SETD5: variants seen among roughly 807,000 people sequenced by gnomAD.
The protein encoded by SETD5 is histone-lysine N-methyltransferase SETD5.
SETD5 carries 44 observed loss-of-function variants against 153.3 expected under a neutral mutation model. That is an observed-to-expected ratio of 0.29 (90% CI 0.23 to 0.37). The LOEUF (loss-of-function observed/expected upper bound fraction) is 0.37. Among genes scored for constraint, SETD5 ranks in the 10% least tolerant of loss-of-function variants. The pLI, the probability that SETD5 is intolerant of heterozygous loss-of-function variation, is 1.00. For missense variants in SETD5, 1,544 were observed against 1,768.0 expected (o/e 0.87, Z 2.27); for synonymous variants, 716 against 645.2 (o/e 1.11, Z -1.66).
At chr3:9,469,125 G>A (rs951882509) in intron 18 of SETD5, among the ~76,000 whole-genome samples, 5 of 152,130 alleles carry the variant, frequency 3.3e-5, no homozygotes, top group Admixed American at 2.0e-4. Context: ...CATTTTCTCT[G>A]CAGCTCCTTA....
chr3:9,470,427 C>A, intron 18 of SETD5, 32 bp from the exon 19 acceptor site: 1 of 1,558,694 alleles, frequency 6.4e-7, no homozygotes, highest in Non-Finnish European at 8.8e-7. Context: ...TTCTCCCCTA[C>A]CCCATGTCTC....
In SETD5 at chr3:9,445,176, C is replaced by T. The variant is rs770427830; in HGVS notation, c.1316C>T (p.Thr439Ile). 3 of 1,613,976 alleles carry T rather than the reference C, an allele frequency of 1.9e-6. No individual in the cohort carries two copies. Among genetic ancestry groups the T allele is most frequent in the Non-Finnish European group, 2.5e-6 (3 of 1,179,874 alleles). The change falls in exon 12 of 23, where the codon ACT becomes ATT. Residue 439 changes from threonine to isoleucine, a missense_variant. Thr to Ile is a moderately conservative substitution (Grantham distance 89). Around this residue, in one of 9 missense-constraint regions of SETD5, gnomAD observed 782 missense variants for 787.2 expected, o/e 0.99. Transcript: ENST00000402198. ...PPSLPTIGAE[T>I]RRRKARRKEL... The stretch of plus-strand genomic sequence containing the variant: ...AGCCTACCCACCATTGGAGCAGAGA[C>T]TAGACGTAGAAAAGCACGACGGAAA...
chr3:9,430,427 T>C (rs149208513), intron 3 of SETD5: 2 of 813,782 alleles, frequency 2.5e-6, no homozygotes, highest in Non-Finnish European at 3.0e-6. Flanking sequence ...AGCTTTTTTC[T>C]TCTTTTGTTT....
chr3:9,472,055 A>G (rs946232616), intron 19 of SETD5, among the ~76,000 whole-genome samples: 3 of 152,252 alleles, frequency 2.0e-5, no homozygotes, highest in African/African-American at 7.2e-5. Flanking sequence ...GGATTAAGAT[A>G]ATAATTGATT....
chr3:9,409,337 T>C (rs1157854424), intron 1 of SETD5, among the ~76,000 whole-genome samples: 2 of 152,216 alleles, frequency 1.3e-5, no homozygotes, highest in East Asian at 3.8e-4. Context: ...TACCCCCTTA[T>C]TTACTAGTTT....
chr3:9,419,642 A>G (rs1054240445), intron 1 of SETD5, among the ~76,000 whole-genome samples: 3 of 152,232 alleles, frequency 2.0e-5, no homozygotes, highest in Non-Finnish European at 2.9e-5. Context: ...AACAAGCTAT[A>G]TATTAACATC....
At position 9,450,220 on chromosome 3, in the gene SETD5, C is replaced by T. The variant is rs561736833; in HGVS notation, c.2346+1590C>T. ...TCTATAGCACATCCTTAAATTTCTA[C>T]GGGCAACAGATAGAAATTCCATTTA... On this transcript the variant is annotated intron_variant, in intron 16 of 22. Transcript: ENST00000402198. Among the ~76,000 whole-genome samples the T allele has an allele frequency of 7.9e-5, 12 of 152,254 alleles. No homozygotes were observed. In the South Asian group the frequency reaches 8.3e-4, roughly 11 times the overall value.
rs1394101476 is a variant in SETD5 at position 9,428,989 on chromosome 3, A to G, written c.51A>G (p.Ser17=). ...TCACCACATCAGATACATCCTACTC[A>G]GATATGGCTGCTGGATCAGAGTAAG... ...LGVTTSDTSY[S]DMAAGSDPES... The change falls in exon 3 of 23, where the codon TCA becomes TCG. Residue 17 remains serine (S), a synonymous_variant. Coordinates refer to ENST00000402198, the MANE Select transcript of SETD5 (RefSeq NM_001080517.3). The G allele has an allele frequency of 1.9e-6, 3 of 1,613,000 alleles. No homozygotes were observed. Among genetic ancestry groups the G allele is most frequent in the Non-Finnish European group, 1.7e-6 (2 of 1,179,316 alleles).
At chr3:9,472,720 C>T (rs999213013) in intron 19 of SETD5, among the ~76,000 whole-genome samples, 6 of 151,994 alleles carry the variant, frequency 3.9e-5, no homozygotes, top group Non-Finnish European at 5.9e-5. Flanking sequence ...CCACCTACCT[C>T]TCCCCACCTC....
chr3:9,430,056 GTGT>G, intron 3 of SETD5: 6 of 1,071,984 alleles, frequency 5.6e-6, no homozygotes, highest in Non-Finnish European at 6.9e-6. Context: ...AGTGAGGTGG[GTGT>G]TGCTCTAATT....
intron 17 of SETD5, among the ~76,000 whole-genome samples, chr3:9,460,244 T>TA (rs1944967403): frequency 6.6e-6 from 1 of 151,160 alleles, no homozygotes; most frequent in Non-Finnish European, 1.5e-5. Flanking sequence ...AAGGGAGAGA[T>TA]ACGTTTTATT....
At chr3:9,427,275 A>G (rs2039393509) in intron 2 of SETD5, among the ~76,000 whole-genome samples, 1 of 152,196 alleles carries the variant, frequency 6.6e-6, no homozygotes, top group Non-Finnish European at 1.5e-5. Context: ...CCGGCCAGGC[A>G]CGGTGGCTCA....
intron 1 of SETD5, among the ~76,000 whole-genome samples, chr3:9,405,576 C>G (rs1264107341): frequency 6.6e-6 from 1 of 152,160 alleles, no homozygotes; most frequent in Non-Finnish European, 1.5e-5. Flanking sequence ...CGCCACCCCA[C>G]TCCTGAAATG....
intron 2 of SETD5, chr3:9,426,250 T>TTTTTTTTTTTTTTTTTTGG (rs1377173601): frequency 7.3e-6 from 1 of 136,898 alleles, no homozygotes. Context: ...TTTTTTTTTT[T>TTTTTTTTTTTTTTTTTTGG]TTGGCAACAG....
chr3:9,447,661 G>T (rs750911304), intron 14 of SETD5, 25 bp from the exon 15 acceptor site: 5 of 1,602,734 alleles, frequency 3.1e-6, no homozygotes, highest in Middle Eastern at 1.7e-4. Flanking sequence ...TTTCTGGTAA[G>T]CATCTGACCC....
At chr3:9,424,363 A>G (rs2038846362) in intron 1 of SETD5, 104 bp from the exon 2 acceptor site, 2 of 152,230 alleles carry the variant, frequency 1.3e-5, no homozygotes, top group Admixed American at 6.5e-5. Flanking sequence ...GTAGGATGAT[A>G]AACAAGACAG....
chr3:9,455,856 C>T (rs1459381991), intron 17 of SETD5, among the ~76,000 whole-genome samples: 1 of 152,130 alleles, frequency 6.6e-6, no homozygotes, highest in Non-Finnish European at 1.5e-5. Flanking sequence ...ATTAGGATTC[C>T]TAGTCACCAG....
chr3:9,475,648 T>C lies in SETD5; in HGVS notation c.3886T>C (p.Ser1296Pro). 3 of 1,613,906 alleles carry C rather than the reference T, an allele frequency of 1.9e-6. No individual in the cohort carries two copies. The highest frequency in any genetic ancestry group is 2.5e-6 in the Non-Finnish European group (3 of 1,179,876). ...CGGTTCTTCAGAATCATCCCTCTCT[T>C]CCACGTCCTATTCCAGCCCCGCCCA... The part of the protein sequence containing the change: ...SHGSSESSLS[S>P]TSYSSPAHPV... Residue 1296 changes from serine (S) to proline (P), a missense_variant, in exon 23 of 23, where the codon TCC becomes CCC. Transcript: ENST00000402198.
At chr3:9,450,335 C>T (rs1419100271) in intron 16 of SETD5, among the ~76,000 whole-genome samples, 1 of 152,120 alleles carries the variant, frequency 6.6e-6, no homozygotes, top group Non-Finnish European at 1.5e-5. Flanking sequence ...ATCTATGTGT[C>T]ATGGTTAGTC....
Sources: allele counts gnomAD v4.1 joint callset (sites outside exome capture counted in the v4.1 genomes callset), GRCh38; gene constraint gnomAD v4.1.1; regional missense constraint gnomAD v4.1.1; transcripts MANE v1.5; gene names NCBI Gene and HGNC (gene_info 2026-07-23, HGNC 2026-07-21).